WDR70: variants seen among roughly 807,000 people sequenced by gnomAD.
WDR70 encodes the protein WD repeat domain 70.
Under a neutral mutation model 88.6 loss-of-function variants are expected in WDR70, and 53 were observed. The ratio of observed to expected loss-of-function variants is 0.60; its 90% CI spans 0.48 to 0.75. The LOEUF is 0.75. WDR70 is among the 30% of genes least tolerant of loss of function. The pLI is 0.00. For synonymous variants in WDR70, 280 were observed against 270.0 expected, an observed-to-expected ratio of 1.04 and a Z score of -0.36; for missense variants, 610 against 823.2, an observed-to-expected ratio of 0.74 and a Z score of 3.17.
intron 13 of WDR70, among the ~76,000 whole-genome samples, chr5:37,717,694 G>A (rs941799249): frequency 2.0e-5 from 3 of 152,192 alleles, no homozygotes; most frequent in East Asian, 3.9e-4. Context: ...AGTTAGCAGC[G>A]TGGCAGCTCA....
chr5:37,615,134 G>A (rs984428819), intron 10 of WDR70, among the ~76,000 whole-genome samples: 1 of 151,994 alleles, frequency 6.6e-6, no homozygotes, highest in Admixed American at 6.6e-5. Flanking sequence ...AGTTGAGGAA[G>A]CCTAGGAAGT....
At chr5:37,598,449 G>A (rs903879923) in intron 9 of WDR70, among the ~76,000 whole-genome samples, 1 of 152,146 alleles carries the variant, frequency 6.6e-6, no homozygotes, top group Non-Finnish European at 1.5e-5. Flanking sequence ...AACATAGTAG[G>A]CACTCAATAA....
chr5:37,594,277 G>A (rs1743629993), intron 9 of WDR70, among the ~76,000 whole-genome samples: 1 of 152,102 alleles, frequency 6.6e-6, no homozygotes, highest in African/African-American at 2.4e-5. Context: ...ATGGTTTTAG[G>A]TCTAACATTT....
chr5:37,620,536 A>T (rs1441571068), intron 10 of WDR70, among the ~76,000 whole-genome samples: 3 of 152,206 alleles, frequency 2.0e-5, no homozygotes, highest in African/African-American at 7.2e-5. Flanking sequence ...GACTATACAC[A>T]TATCTTTGCA....
intron 10 of WDR70, among the ~76,000 whole-genome samples, chr5:37,641,255 A>T (rs928904032): frequency 9.2e-5 from 14 of 151,990 alleles, no homozygotes; most frequent in African/African-American, 3.4e-4. Context: ...AGCTGGGATT[A>T]TAGGCCTATG....
chr5:37,576,620 C>A (rs761123167), intron 9 of WDR70, among the ~76,000 whole-genome samples: 1 of 152,084 alleles, frequency 6.6e-6, no homozygotes, highest in Non-Finnish European at 1.5e-5. Flanking sequence ...TCCTTCCAGT[C>A]CTATCTATCA....
intron 9 of WDR70, among the ~76,000 whole-genome samples, chr5:37,582,688 A>T (rs1743251753): frequency 6.6e-6 from 1 of 152,246 alleles, no homozygotes; most frequent in Non-Finnish European, 1.5e-5. Context: ...AAAGCCCTTA[A>T]CATAGTGCTG....
intron 9 of WDR70, among the ~76,000 whole-genome samples, chr5:37,599,196 T>G (rs1358058329): frequency 6.6e-6 from 1 of 152,222 alleles, no homozygotes; most frequent in East Asian, 1.9e-4. Flanking sequence ...ATTAAGATAT[T>G]AAAATTCACA....
At chr5:37,678,183 C>A (rs1233166066) in intron 10 of WDR70, among the ~76,000 whole-genome samples, 1 of 152,162 alleles carries the variant, frequency 6.6e-6, no homozygotes, top group Non-Finnish European at 1.5e-5. Flanking sequence ...GACTCTTTAT[C>A]CAATTTGCCA....
At chr5:37,732,709 T>A (rs575970327) in intron 17 of WDR70, among the ~76,000 whole-genome samples, 28 of 152,288 alleles carry the variant, frequency 1.8e-4, no homozygotes, top group African/African-American at 6.7e-4. Context: ...TTTTTCTTAC[T>A]GATTTGTAAG....
At chr5:37,617,249 C>T (rs1744370976) in intron 10 of WDR70, among the ~76,000 whole-genome samples, 1 of 152,164 alleles carries the variant, frequency 6.6e-6, no homozygotes, top group Non-Finnish European at 1.5e-5. Flanking sequence ...GAGCCAGGAA[C>T]TCTGACTCTA....
At chr5:37,481,946 G>A (rs1243828394) in intron 8 of WDR70, among the ~76,000 whole-genome samples, 5 of 152,140 alleles carry the variant, frequency 3.3e-5, no homozygotes, top group Admixed American at 6.5e-5. Context: ...ACTCTTTCCC[G>A]CCTATCTTAT....
At chr5:37,729,197 T>C (rs189903312) in intron 17 of WDR70, among the ~76,000 whole-genome samples, 49 of 152,242 alleles carry the variant, frequency 3.2e-4, no homozygotes, top group Admixed American at 3.9e-4. Flanking sequence ...TTACCCCCAT[T>C]CTGGAATCGA....
intron 10 of WDR70, among the ~76,000 whole-genome samples, chr5:37,632,985 A>T (rs915775766): frequency 6.6e-6 from 1 of 151,564 alleles, no homozygotes; most frequent in African/African-American, 2.4e-5. Flanking sequence ...ATATGTTTAG[A>T]TACACAAATA....
At chr5:37,524,423 C>A (rs1741193691) in intron 9 of WDR70, among the ~76,000 whole-genome samples, 1 of 152,070 alleles carries the variant, frequency 6.6e-6, no homozygotes. Flanking sequence ...TACAGACAAG[C>A]AAATGCTGAG....
chr5:37,593,481 A>G (rs1743602557), intron 9 of WDR70, among the ~76,000 whole-genome samples: 1 of 152,160 alleles, frequency 6.6e-6, no homozygotes, highest in Non-Finnish European at 1.5e-5. Context: ...ACATGAACTC[A>G]TCCTTTTTTA....
intron 13 of WDR70, among the ~76,000 whole-genome samples, chr5:37,713,702 A>G (rs1747579597): frequency 6.6e-6 from 1 of 152,206 alleles, no homozygotes; most frequent in African/African-American, 2.4e-5. Context: ...AGATGTTTAA[A>G]AATGTTCAGA....
chr5:37,413,045 A>G (rs977616481), intron 5 of WDR70, among the ~76,000 whole-genome samples: 2 of 152,204 alleles, frequency 1.3e-5, no homozygotes, highest in Non-Finnish European at 2.9e-5. Flanking sequence ...AAACTTAACT[A>G]TTTTAACTTC....
chr5:37,558,732 T>C (rs1742391468), intron 9 of WDR70, among the ~76,000 whole-genome samples: 1 of 152,142 alleles, frequency 6.6e-6, no homozygotes, highest in South Asian at 2.1e-4. Context: ...TCTGTATTAT[T>C]TATATAGATA....
Sources: allele counts gnomAD v4.1 joint callset (sites outside exome capture counted in the v4.1 genomes callset), GRCh38; gene constraint gnomAD v4.1.1; transcripts MANE v1.5; gene names NCBI Gene and HGNC (gene_info 2026-07-23, HGNC 2026-07-21).